The following ST7 variants were observed in gnomAD, a reference collection of about 807,000 sequenced individuals.
ST7 encodes suppressor of tumorigenicity 7 protein.
Under a neutral mutation model 78.7 loss-of-function variants are expected in ST7, and 28 were observed. The observed-to-expected ratio is 0.36, with a 90% confidence interval of 0.26 to 0.49. The LOEUF (loss-of-function observed/expected upper bound fraction) is 0.49. Ranked by LOEUF, ST7 falls within the 20% of genes least tolerant of loss-of-function variation. The pLI, the probability that ST7 is intolerant of heterozygous loss-of-function variation, is 0.99. For missense variants in ST7, 418 were observed against 696.0 expected, an observed-to-expected ratio of 0.60 and a Z score of 4.49; for synonymous variants, 247 against 249.6, an observed-to-expected ratio of 0.99 and a Z score of 0.10.
intron 1 of ST7, among the ~76,000 whole-genome samples, chr7:117,085,883 A>G (rs1800105859): frequency 6.6e-6 from 1 of 152,176 alleles, no homozygotes; most frequent in Admixed American, 6.5e-5. Flanking sequence ...TGCCATTCCA[A>G]TAGAAAAAAA....
chr7:116,960,520 G>A lies in ST7; in HGVS notation c.151+6829G>A, dbSNP rs1585044651. On this transcript the variant is annotated intron_variant, in intron 1 of 15. Coordinates refer to ENST00000323984, the MANE Select transcript of ST7 (RefSeq NM_001369598.1). ...GTGCTGAAGTATTTCTAATCACTTC[G>A]AGTTACAATTCTGTTAAGTTTCATT... Among the ~76,000 whole-genome samples the A allele has an allele frequency of 2.0e-5, 3 of 152,098 alleles. No individual in the cohort carries two copies. In the South Asian group the frequency reaches 6.2e-4, roughly 31 times the overall value.
intron 13 of ST7, among the ~76,000 whole-genome samples, chr7:117,215,624 GT>G (rs1792630522): frequency 1.3e-5 from 2 of 152,340 alleles, no homozygotes; most frequent in Admixed American, 1.3e-4. Context: ...TCATACGCTA[GT>G]GAGCCTAGGC....
At chr7:117,205,943 G>T (rs1791712453) in intron 12 of ST7, among the ~76,000 whole-genome samples, 1 of 152,200 alleles carries the variant, frequency 6.6e-6, no homozygotes. Flanking sequence ...ATTGATTTCT[G>T]CATACTTGTG....
chr7:117,136,314 T>A, intron 8 of ST7, 79 bp downstream of exon 8: 1 of 1,535,540 alleles, frequency 6.5e-7, no homozygotes, highest in Middle Eastern at 1.7e-4. Context: ...TTAGTCCAGT[T>A]CAAAATATGA....
chr7:117,081,372 A>T (rs1799760958), intron 1 of ST7, among the ~76,000 whole-genome samples: 1 of 152,154 alleles, frequency 6.6e-6, no homozygotes, highest in African/African-American at 2.4e-5. Flanking sequence ...TTCTCAAATT[A>T]TTCATCTTTT....
intron 9 of ST7, among the ~76,000 whole-genome samples, chr7:117,147,742 T>C (rs1805918021): frequency 6.6e-6 from 1 of 152,178 alleles, no homozygotes; most frequent in African/African-American, 2.4e-5. Context: ...CTCCTCCTCA[T>C]CCTTCTCCCC....
intron 10 of ST7, among the ~76,000 whole-genome samples, chr7:117,178,182 G>A (rs1038108908): frequency 1.3e-5 from 2 of 152,082 alleles, no homozygotes; most frequent in Admixed American, 6.6e-5. Context: ...GAGTAAATAG[G>A]TTAATTTTTT....
chr7:117,097,436 C>T (rs1801138541), intron 1 of ST7, among the ~76,000 whole-genome samples: 9 of 151,804 alleles, frequency 5.9e-5, no homozygotes, highest in Admixed American at 5.9e-4. Flanking sequence ...AACGATTCTC[C>T]TGCCTCAGCC....
intron 2 of ST7, among the ~76,000 whole-genome samples, chr7:117,101,769 C>G (rs1020420317): frequency 2.0e-5 from 3 of 152,144 alleles, no homozygotes; most frequent in African/African-American, 7.2e-5. Context: ...AACCCCAAAA[C>G]CAACTAAAGA....
intron 9 of ST7, among the ~76,000 whole-genome samples, chr7:117,169,465 T>C (rs1356054490): frequency 6.6e-6 from 1 of 152,092 alleles, no homozygotes; most frequent in African/African-American, 2.4e-5. Context: ...GATAAAAACT[T>C]TGCTCTGAAA....
At chr7:117,003,037 T>A (rs1238568745) in intron 1 of ST7, among the ~76,000 whole-genome samples, 1 of 152,044 alleles carries the variant, frequency 6.6e-6, no homozygotes, top group Non-Finnish European at 1.5e-5. Context: ...TTGGCCAGGC[T>A]GGTCTCGAAC....
At chr7:116,985,861 C>T (rs923865561) in intron 1 of ST7, among the ~76,000 whole-genome samples, 22 of 152,208 alleles carry the variant, frequency 1.4e-4, no homozygotes, top group African/African-American at 5.1e-4. Context: ...GAGACAGAGT[C>T]TCGCTCTGTT....
At chr7:117,169,682 A>C (rs1159689546) in intron 9 of ST7, among the ~76,000 whole-genome samples, 4 of 152,100 alleles carry the variant, frequency 2.6e-5, no homozygotes, top group Non-Finnish European at 5.9e-5. Flanking sequence ...TAATCATTTG[A>C]CATCTTGCTA....
intron 15 of ST7, among the ~76,000 whole-genome samples, chr7:117,226,855 A>G (rs922372221): frequency 6.6e-6 from 1 of 152,174 alleles, no homozygotes; most frequent in African/African-American, 2.4e-5. Flanking sequence ...CATTCTAGAT[A>G]GGAGGGATAG....
intron 10 of ST7, 89 bp downstream of exon 10, chr7:117,171,065 CA>C: frequency 1.4e-6 from 1 of 722,148 alleles, no homozygotes; most frequent in Non-Finnish European, 2.2e-6. Context: ...TCAAATAGCA[CA>C]GCACTTTTGT....
chr7:116,997,964 G>A (rs1342194027), intron 1 of ST7, among the ~76,000 whole-genome samples: 1 of 152,258 alleles, frequency 6.6e-6, no homozygotes, highest in Non-Finnish European at 1.5e-5. Flanking sequence ...GCTGCAGGTG[G>A]AGCTGCCTGC....
At chr7:117,176,438 G>C (rs926328421) in intron 10 of ST7, among the ~76,000 whole-genome samples, 1 of 152,202 alleles carries the variant, frequency 6.6e-6, no homozygotes, top group African/African-American at 2.4e-5. Context: ...ATTGAAAACA[G>C]AAGTTCTAAG....
chr7:117,222,104 G>A, intron 15 of ST7, 42 bp downstream of exon 15: 2 of 1,574,214 alleles, frequency 1.3e-6, no homozygotes, highest in Non-Finnish European at 1.7e-6. Context: ...AATGGATGGG[G>A]AAAGCCAAGG....
At chr7:117,110,389 A>G (rs1413609482) in intron 2 of ST7, among the ~76,000 whole-genome samples, 1 of 152,164 alleles carries the variant, frequency 6.6e-6, no homozygotes, top group Non-Finnish European at 1.5e-5. Flanking sequence ...CCAGGCACTG[A>G]TCTAAAGCAC....
Sources: allele counts gnomAD v4.1 joint callset (sites outside exome capture counted in the v4.1 genomes callset), GRCh38; gene constraint gnomAD v4.1.1; transcripts MANE v1.5; gene names NCBI Gene and HGNC (gene_info 2026-07-23, HGNC 2026-07-21).